TMC2: variants seen among roughly 807,000 people sequenced by gnomAD.
TMC2 encodes transmembrane channel like 2.
In TMC2, 102 loss-of-function variants were observed where a neutral mutation model predicts 105.9. The ratio of observed to expected loss-of-function variants is 0.96; its 90% confidence interval spans 0.82 to 1.14. TMC2 has a LOEUF of 1.14. Ranked by LOEUF, TMC2 falls within the 50% of genes most tolerant of loss-of-function variation. The probability of loss-of-function intolerance (pLI) is 0.00; values close to 1 mark genes in which losing one functional copy is unlikely to be tolerated. For missense variants in TMC2, 1,093 were observed against 1,134.3 expected, an observed-to-expected ratio of 0.96 and a Z score of 0.52; for synonymous variants, 402 against 422.8, an observed-to-expected ratio of 0.95 and a Z score of 0.60.
chr20:2,562,280 A>G (rs1355520864), intron 4 of TMC2, among the ~76,000 whole-genome samples: 5 of 152,224 alleles, frequency 3.3e-5, no homozygotes, highest in Non-Finnish European at 7.3e-5. Flanking sequence ...ATCCCATGCC[A>G]CACTTCATCT....
intron 17 of TMC2, among the ~76,000 whole-genome samples, chr20:2,630,854 C>G (rs2146265124): frequency 6.6e-6 from 1 of 152,242 alleles, no homozygotes; most frequent in Non-Finnish European, 1.5e-5. Context: ...ATATAGTGTG[C>G]TTCTTTGGAA....
chr20:2,631,353 A>G (rs1280543332), intron 17 of TMC2, among the ~76,000 whole-genome samples: 2 of 152,226 alleles, frequency 1.3e-5, no homozygotes, highest in Non-Finnish European at 2.9e-5. Flanking sequence ...AGTTACCTTT[A>G]CTAGTGCTCT....
chr20:2,622,934 A>T (rs2086536240), intron 16 of TMC2, among the ~76,000 whole-genome samples: 1 of 152,108 alleles, frequency 6.6e-6, no homozygotes, highest in South Asian at 2.1e-4. Context: ...ATTATACTAT[A>T]GTATTATTAT....
chr20:2,547,417 T>G (rs1465750284), intron 2 of TMC2, among the ~76,000 whole-genome samples: 1 of 152,174 alleles, frequency 6.6e-6, no homozygotes, highest in African/African-American at 2.4e-5. Context: ...ATAGAACACA[T>G]AATTGCTGAA....
Position 2,594,221 on chromosome 20 carries a change from A to T in TMC2, c.934-604A>T, listed in dbSNP as rs936357599. Reference sequence around the variant, plus strand: ...GTTCCCAACTATACTGTTACTAAGGATTCCTTTTTTTTTTTTTTTTTTTTG... The same window carrying T: ...GTTCCCAACTATACTGTTACTAAGGTTTCCTTTTTTTTTTTTTTTTTTTTG... On this transcript the variant is annotated intron_variant, in intron 8 of 19. Transcript: ENST00000358864. Among the ~76,000 whole-genome samples, 94 of 108,800 alleles carry T rather than the reference A, an allele frequency of 8.6e-4. 4 individuals carry two copies. The South Asian group carries it at 0.021, about 25-fold the overall frequency. The allele number at this position is 108,800 out of a possible 152,430, so 71.4% of individuals were successfully genotyped here. A position where few individuals can be genotyped will look rare whatever the true frequency, so the allele number is the denominator to read the frequency against.
intron 11 of TMC2, among the ~76,000 whole-genome samples, chr20:2,609,180 G>C (rs886697308): frequency 6.6e-6 from 1 of 152,152 alleles, no homozygotes; most frequent in Admixed American, 6.5e-5. Context: ...TGTTTTGGGG[G>C]CCTCATTCCT....
chr20:2,604,372 C>T (rs2086374055), intron 11 of TMC2, among the ~76,000 whole-genome samples: 1 of 152,176 alleles, frequency 6.6e-6, no homozygotes, highest in Non-Finnish European at 1.5e-5. Flanking sequence ...ATGCTTATCA[C>T]TTTGAGAGAG....
Position 2,592,837 on chromosome 20 carries a change from C to T in TMC2, c.933+429C>T, listed in dbSNP as rs1229857299. 6.6e-6 allele frequency among the ~76,000 whole-genome samples: 1 copy of T among 152,184 alleles called. No individual in the cohort carries two copies. The highest frequency in any genetic ancestry group is 2.4e-5 in the African/African-American group (1 of 41,432). ...CAAAACCCACATCTCTTTTTCCCAG[C>T]TCCTTTATTGGAATCACCATTCATC... On this transcript the variant is annotated intron_variant, in intron 8 of 19. Coordinates refer to ENST00000358864, the MANE Select transcript of TMC2 (RefSeq NM_080751.3). This position sits in a 1 kb window ranked among gnomAD's most constrained non-coding sequence, Gnocchi z 4.9.
At chr20:2,571,219 C>T (rs547492127) in intron 4 of TMC2, among the ~76,000 whole-genome samples, 6 of 152,256 alleles carry the variant, frequency 3.9e-5, no homozygotes, top group Admixed American at 2.6e-4. Context: ...AGACAACCTA[C>T]AGAATGGAGA....
chr20:2,637,313 A>G (rs1056758470), intron 18 of TMC2, among the ~76,000 whole-genome samples, 161 bp from the exon 19 acceptor site: 3 of 150,296 alleles, frequency 2.0e-5, no homozygotes, highest in South Asian at 2.1e-4. Flanking sequence ...GCTTGAACCC[A>G]GGAGGCAGAG....
At chr20:2,580,336 C>T (rs2086180746) in intron 7 of TMC2, among the ~76,000 whole-genome samples, 1 of 152,172 alleles carries the variant, frequency 6.6e-6, no homozygotes. Context: ...AATGTACTCA[C>T]ATCAATTACC....
intron 16 of TMC2, among the ~76,000 whole-genome samples, chr20:2,620,695 C>T (rs2086518657): frequency 6.6e-6 from 1 of 152,184 alleles, no homozygotes; most frequent in Non-Finnish European, 1.5e-5. Context: ...ATAAAATTTA[C>T]TCAGCTGAGA....
intron 5 of TMC2, among the ~76,000 whole-genome samples, chr20:2,573,922 T>G (rs2086123780): frequency 1.3e-5 from 2 of 152,186 alleles, no homozygotes. Flanking sequence ...TTTGTTGGGT[T>G]CTCCTAAATG....
At position 2,590,228 on chromosome 20, in the gene TMC2, T is replaced by TA. The variant is rs908587612; in HGVS notation, c.835-2078dup. On this transcript the variant is annotated intron_variant, in intron 7 of 19. Coordinates refer to ENST00000358864, the MANE Select transcript of TMC2 (RefSeq NM_080751.3). ...CAGGCAAAACAAAACAATAAATGAG[T>TA]AAAATATAAGGAAAAACAAGGGAAT... is the stretch of plus-strand genomic sequence containing the variant. Among the ~76,000 whole-genome samples, 239 of 152,056 alleles carry TA rather than the reference T, an allele frequency of 1.6e-3. 1 individual carries two copies. Among genetic ancestry groups the TA allele is most frequent in the African/African-American group, 5.5e-3 (229 of 41,486 alleles).
intron 10 of TMC2, 51 bp downstream of exon 10, chr20:2,597,349 G>A (rs749359388): frequency 1.3e-6 from 2 of 1,558,102 alleles, no homozygotes; most frequent in Non-Finnish European, 8.8e-7. Flanking sequence ...GGTCCCTCTG[G>A]TCATTGAGAG....
chr20:2,632,816 C>G (rs2086613164), intron 17 of TMC2, among the ~76,000 whole-genome samples: 2 of 152,236 alleles, frequency 1.3e-5, no homozygotes, highest in South Asian at 2.1e-4. Context: ...GTCTCGAACT[C>G]CTGACTTTGT....
intron 11 of TMC2, among the ~76,000 whole-genome samples, chr20:2,606,486 C>G (rs1175845807): frequency 6.6e-6 from 1 of 152,194 alleles, no homozygotes; most frequent in Non-Finnish European, 1.5e-5. Context: ...TCTCAAACTC[C>G]TGACCTCAAG....
At chr20:2,606,139 CTCTTTT>C (rs2086389867) in intron 11 of TMC2, among the ~76,000 whole-genome samples, 1 of 152,206 alleles carries the variant, frequency 6.6e-6, no homozygotes, top group Non-Finnish European at 1.5e-5. Flanking sequence ...GATAGACTTG[CTCTTTT>C]TACCTATATG....
intron 4 of TMC2, among the ~76,000 whole-genome samples, chr20:2,565,749 G>A (rs1195966259): frequency 1.3e-5 from 2 of 152,098 alleles, no homozygotes; most frequent in African/African-American, 4.8e-5. Flanking sequence ...ATCTAAAAAG[G>A]CTTGCTAGTG....
Sources: gnomAD v4.1 joint callset for allele counts (sites outside exome capture counted in the v4.1 genomes callset) on GRCh38, gnomAD v4.1.1 for gene constraint, Gnocchi (gnomAD v3.1) non-coding constraint, MANE v1.5 for transcripts, NCBI Gene and HGNC (gene_info 2026-07-23, HGNC 2026-07-21) for gene names.